The following CD36 variants were observed in gnomAD, a reference collection of about 807,000 sequenced individuals.
CD36 encodes the protein platelet glycoprotein 4.
In CD36, 119 loss-of-function variants were observed where a neutral mutation model predicts 55.2. That is an observed-to-expected ratio of 2.15 (90% CI 1.86 to 2.51). The LOEUF (loss-of-function observed/expected upper bound fraction) is 2.51, where lower values mean the gene tolerates loss of function less well. Ranked by LOEUF, CD36 falls within the 30% of genes most tolerant of loss-of-function variation. CD36 has a pLI of 0.00. For synonymous variants in CD36, 186 were observed against 193.6 expected (o/e 0.96, Z 0.33); for missense variants, 819 against 555.5 (o/e 1.47, Z -4.77).
intron 11 of CD36, 49 bp downstream of exon 11, chr7:80,672,089 C>G (rs775110390): frequency 7.3e-7 from 1 of 1,362,396 alleles, no homozygotes; most frequent in Non-Finnish European, 1.0e-6. Flanking sequence ...TTTAAAAATA[C>G]AATTGAAATA....
chr7:80,645,212 G>A (rs528820493), intron 1 of CD36, among the ~76,000 whole-genome samples: 1 of 151,382 alleles, frequency 6.6e-6, no homozygotes, highest in East Asian at 2.0e-4. Context: ...TAGAGATGGG[G>A]TTTCTCTGTG....
upstream of CD36, among the ~76,000 whole-genome samples, chr7:80,634,561 G>A (rs75424541): frequency 1.3e-5 from 2 of 151,924 alleles, no homozygotes; most frequent in Non-Finnish European, 1.5e-5. Flanking sequence ...TGATTATTAC[G>A]TCTTGCCTAG....
At chr7:80,639,565 G>T (rs1484494961) in intron 1 of CD36, among the ~76,000 whole-genome samples, 2 of 151,900 alleles carry the variant, frequency 1.3e-5, no homozygotes, top group East Asian at 3.9e-4. Context: ...ATAAATAACT[G>T]TAAATGGCAT....
intron 1 of CD36, among the ~76,000 whole-genome samples, chr7:80,644,884 G>A (rs982627104): frequency 6.6e-6 from 1 of 152,178 alleles, no homozygotes; most frequent in East Asian, 1.9e-4. Flanking sequence ...TAAATGACAC[G>A]CCAACCCCAT....
intron 1 of CD36, among the ~76,000 whole-genome samples, chr7:80,639,298 T>C: frequency 6.6e-6 from 1 of 152,004 alleles, no homozygotes; most frequent in Non-Finnish European, 1.5e-5. Flanking sequence ...GATATGTGCT[T>C]TTTAAGTTCT....
chr7:80,664,700 C>G (rs139946649), intron 7 of CD36, among the ~76,000 whole-genome samples: 18 of 152,228 alleles, frequency 1.2e-4, no homozygotes, highest in Non-Finnish European at 2.4e-4. Context: ...TAGCTGCTGA[C>G]TATCAGCTCC....
chr7:80,663,136 C>A lies in CD36; in HGVS notation c.576C>A (p.Tyr192Ter), dbSNP rs1306255488. ...YRDPFLSLVPYPVTTTVGLFY... is the reference protein window; with the variant it reads ...YRDPFLSLVP ...ATCCATTTTTGAGTTTGGTTCCGTA[C>A]CCTGTTACTACCACAGTTGGTCTGT... Residue 192 changes from tyrosine (Y) to a stop codon, truncating the protein, a stop_gained, in exon 6 of 15, where the codon TAC (tyrosine) becomes TAA (stop). Transcript: ENST00000447544. LOFTEE classifies it high-confidence loss of function. 6.2e-6 allele frequency: 10 copies of A among 1,613,500 alleles called. No homozygotes were observed. In the African/African-American group the frequency reaches 1.2e-4, roughly 19 times the overall value.
At chr7:80,675,069 T>G (rs1025028135) in intron 14 of CD36, among the ~76,000 whole-genome samples, 1 of 152,102 alleles carries the variant, frequency 6.6e-6, no homozygotes, top group Non-Finnish European at 1.5e-5. Flanking sequence ...AATAATTTCC[T>G]TTTGTGAGAT....
At chr7:80,651,048 A>T (rs1365843477) in intron 3 of CD36, among the ~76,000 whole-genome samples, 1 of 152,176 alleles carries the variant, frequency 6.6e-6, no homozygotes, top group Admixed American at 6.5e-5. Context: ...TTATCACTTG[A>T]CATTATTAAT....
At chr7:80,673,700 T>C (rs1385630291) in intron 13 of CD36, 5 of 558,458 alleles carry the variant, frequency 9.0e-6, no homozygotes, top group African/African-American at 3.8e-5. Flanking sequence ...TTGATAGCTA[T>C]AAAAATAGGA....
At chr7:80,654,656 G>A (rs975523563) in intron 3 of CD36, among the ~76,000 whole-genome samples, 1 of 152,038 alleles carries the variant, frequency 6.6e-6, no homozygotes, top group Non-Finnish European at 1.5e-5. Flanking sequence ...AGTTTTTCAA[G>A]GACAATTTGT....
chr7:80,670,317 G>T, intron 9 of CD36: 1 of 405,012 alleles, frequency 2.5e-6, no homozygotes, highest in Non-Finnish European at 4.6e-6. Context: ...TGATGCAAAT[G>T]TAACAGAACT....
chr7:80,639,082 A>T (rs1459755275), intron 1 of CD36, among the ~76,000 whole-genome samples: 1 of 152,036 alleles, frequency 6.6e-6, no homozygotes, highest in Non-Finnish European at 1.5e-5. Context: ...ATGATGTTTA[A>T]ATGATGAAGA....
chr7:80,672,672 A>G, intron 11 of CD36, 98 bp from the exon 12 acceptor site: 2 of 820,440 alleles, frequency 2.4e-6, no homozygotes, highest in Admixed American at 2.1e-5. Context: ...TTTAACCTTA[A>G]GTTACTACCT....
At chr7:80,648,770 G>C (rs1057295824) in intron 3 of CD36, among the ~76,000 whole-genome samples, 1 of 151,932 alleles carries the variant, frequency 6.6e-6, no homozygotes, top group Non-Finnish European at 1.5e-5. Flanking sequence ...TCAGGAAAAA[G>C]GTAGGACTTG....
intron 8 of CD36, among the ~76,000 whole-genome samples, chr7:80,669,467 G>A (rs925024173): frequency 2.0e-5 from 3 of 151,946 alleles, no homozygotes; most frequent in Admixed American, 6.6e-5. Context: ...TCCACTTGTC[G>A]CCCAGGCTGG....
chr7:80,656,780 T>TGACA, intron 4 of CD36, 80 bp downstream of exon 4: 1 of 1,270,754 alleles, frequency 7.9e-7, no homozygotes, highest in Non-Finnish European at 1.2e-6. Context: ...GCAAATGTCA[T>TGACA]TGTATTGAAA....
At chr7:80,650,621 T>G (rs1162456233) in intron 3 of CD36, among the ~76,000 whole-genome samples, 1 of 152,166 alleles carries the variant, frequency 6.6e-6, no homozygotes, top group African/African-American at 2.4e-5. Context: ...AGCTATTGTA[T>G]ACAAGTGATA....
Position 80,673,427 on chromosome 7 carries a change from T to A in CD36, c.1254+18T>A. On this transcript the variant is annotated intron_variant, in intron 13 of 14. Coordinates refer to ENST00000447544, the MANE Select transcript of CD36 (RefSeq NM_001001548.3). The stretch of plus-strand genomic sequence containing the variant: ...TTAATGAGGTTTGTATTTGCAGCTG[T>A]TAGTCATTAAAAACAACCTTCTTTG... 3 of 1,499,270 alleles carry A rather than the reference T, an allele frequency of 2.0e-6. No individual in the cohort carries two copies. Among genetic ancestry groups the A allele is most frequent in the Non-Finnish European group, 9.3e-7 (1 of 1,076,064 alleles). The allele number at this position is 1,499,270 out of a possible 1,614,324, so 92.9% of individuals were successfully genotyped here. A position where few individuals can be genotyped will look rare whatever the true frequency, so the allele number is the denominator to read the frequency against.
Sources: gnomAD v4.1 joint callset for allele counts (sites outside exome capture counted in the v4.1 genomes callset) on GRCh38, gnomAD v4.1.1 for gene constraint, MANE v1.5 for transcripts, NCBI Gene and HGNC (gene_info 2026-07-23, HGNC 2026-07-21) for gene names.